LNPK: variants seen among roughly 807,000 people sequenced by gnomAD.
LNPK encodes the protein lunapark, ER junction formation factor.
LNPK carries 29 observed loss-of-function variants against 55.2 expected under a neutral mutation model. The ratio of observed to expected loss-of-function variants is 0.53; its 90% CI spans 0.39 to 0.72. The LOEUF (loss-of-function observed/expected upper bound fraction) is 0.72, where lower values mean the gene tolerates loss of function less well. Among genes scored for constraint, LNPK ranks in the 30% least tolerant of loss-of-function variants. LNPK has a pLI of 0.00. For missense variants in LNPK, 467 were observed against 494.8 expected, an observed-to-expected ratio of 0.94 and a Z score of 0.53; for synonymous variants, 162 against 168.2, an observed-to-expected ratio of 0.96 and a Z score of 0.29.
At position 175,990,961 on chromosome 2, in the gene LNPK, A is replaced by G. The variant is rs531009723; in HGVS notation, c.257+1270T>C. Among the ~76,000 whole-genome samples the G allele has an allele frequency of 5.3e-5, 8 of 152,314 alleles. No homozygotes were observed. In the South Asian group the frequency reaches 6.2e-4, roughly 12 times the overall value. On this transcript the variant is annotated intron_variant, in intron 4 of 12. Transcript: ENST00000272748. Reference sequence around the variant, plus strand: ...CTGAATTGAAGAAATTACATTTTTAAAGAAATGAAGTTTTCCTGCTTCTAA... The same window carrying G: ...CTGAATTGAAGAAATTACATTTTTAGAGAAATGAAGTTTTCCTGCTTCTAA...
chr2:175,926,608 C>T lies in LNPK; in HGVS notation c.*3359G>A, dbSNP rs1280324795. 1 of 152,222 alleles carries T rather than the reference C, an allele frequency of 6.6e-6. No homozygotes were observed. Among genetic ancestry groups the T allele is most frequent in the Admixed American group, 6.5e-5 (1 of 15,274 alleles). The allele number at this position is 152,222 out of a possible 1,614,324, so 9.4% of individuals were successfully genotyped here. ...CTTCTAGTAGTCCAAAGATAAAAAT[C>T]TTCACAGGATTCTTGCCAAAGTACA... On this transcript the variant is annotated 3_prime_UTR_variant, in exon 13 of 13. Coordinates refer to ENST00000272748, the MANE Select transcript of LNPK (RefSeq NM_030650.3).
intron 8 of LNPK, among the ~76,000 whole-genome samples, chr2:175,954,095 A>T (rs1408578149): frequency 6.6e-6 from 1 of 152,148 alleles, no homozygotes; most frequent in Non-Finnish European, 1.5e-5. Flanking sequence ...AAAAGTTATA[A>T]TGCATTGTAA....
upstream of LNPK, chr2:176,002,685 C>T: frequency 6.3e-6 from 1 of 158,126 alleles, no homozygotes; most frequent in South Asian, 1.6e-4. Context: ...GGAGTCCGTC[C>T]TGAGGAGTCC....
chr2:175,977,393 G>C (rs1276688128), intron 5 of LNPK, among the ~76,000 whole-genome samples: 1 of 151,994 alleles, frequency 6.6e-6, no homozygotes, highest in Non-Finnish European at 1.5e-5. Flanking sequence ...AGTAGATACA[G>C]ATTATTCTCA....
Position 175,949,060 on chromosome 2 carries a change from C to T in LNPK, c.494-1368G>A, listed in dbSNP as rs954099894. Among the ~76,000 whole-genome samples the T allele has an allele frequency of 5.3e-5, 8 of 152,196 alleles. No homozygotes were observed. In the East Asian group the frequency reaches 1.5e-3, roughly 29 times the overall value. On this transcript the variant is annotated intron_variant, in intron 8 of 12. Coordinates refer to ENST00000272748, the MANE Select transcript of LNPK (RefSeq NM_030650.3). ...CTTATTTCAGATGACAGTTTTTGTA[C>T]ACAACTAAGTATTTTCAAATGATTT...
intron 5 of LNPK, 54 bp downstream of exon 5, chr2:175,979,756 A>C (rs1405118282): frequency 7.4e-7 from 1 of 1,349,210 alleles, no homozygotes; most frequent in African/African-American, 1.5e-5. Flanking sequence ...TTACCAGCAC[A>C]TTCTAAAATA....
In LNPK at chr2:175,964,593, C is replaced by T. The variant is rs752749271; in HGVS notation, c.358-4G>A. 4.3e-5 allele frequency: 67 copies of T among 1,563,240 alleles called. No individual in the cohort carries two copies. The highest frequency in any genetic ancestry group is 4.2e-4 in the South Asian group (38 of 89,852). On this transcript the variant is annotated splice_polypyrimidine_tract_variant and splice_region_variant and intron_variant, in intron 6 of 12. Coordinates refer to ENST00000272748, the MANE Select transcript of LNPK (RefSeq NM_030650.3). ...CTTTTTCCATGACTTCTTCAAGCTACGAACAAAAATTTCCATAAATTGTCA... is the reference window on the plus strand; with the variant it reads ...CTTTTTCCATGACTTCTTCAAGCTATGAACAAAAATTTCCATAAATTGTCA...
At chr2:175,956,824 A>G (rs1379479959) in intron 8 of LNPK, among the ~76,000 whole-genome samples, 2 of 152,044 alleles carry the variant, frequency 1.3e-5, no homozygotes, top group African/African-American at 4.8e-5. Flanking sequence ...TGGCCCCCTT[A>G]TCAAATTATC....
intron 8 of LNPK, among the ~76,000 whole-genome samples, chr2:175,950,770 T>C (rs2105575789): frequency 6.6e-6 from 1 of 152,130 alleles, no homozygotes; most frequent in South Asian, 2.1e-4. Context: ...GTTGTAAAGA[T>C]TAAATGACAA....
Position 175,964,424 on chromosome 2 carries a change from C to T in LNPK, c.442-1G>A. ...CTCCAGCAGATGGCGGCTCACACTCCTGTCAATTATAATAATGTTATTACA... is the reference window on the plus strand; with the variant it reads ...CTCCAGCAGATGGCGGCTCACACTCTTGTCAATTATAATAATGTTATTACA... On this transcript the variant is annotated splice_acceptor_variant, in intron 7 of 12. Coordinates refer to ENST00000272748, the MANE Select transcript of LNPK (RefSeq NM_030650.3). LOFTEE classifies it high-confidence loss of function. 2 of 1,612,714 alleles carry T rather than the reference C, an allele frequency of 1.2e-6. No homozygotes were observed. Among genetic ancestry groups the T allele is most frequent in the African/African-American group, 1.3e-5 (1 of 75,014 alleles).
At chr2:175,964,921 G>A (rs975783586) in intron 6 of LNPK, among the ~76,000 whole-genome samples, 23 of 152,136 alleles carry the variant, frequency 1.5e-4, no homozygotes, top group Non-Finnish European at 2.9e-4. Flanking sequence ...ACAAGCAAAT[G>A]ACAGGCAATT....
intron 5 of LNPK, 111 bp downstream of exon 5, chr2:175,979,698 TC>T: frequency 1.1e-6 from 1 of 898,562 alleles, no homozygotes; most frequent in Non-Finnish European, 1.6e-6. Flanking sequence ...AAACAACTCT[TC>T]AATACTTAAC....
In LNPK at chr2:176,002,145, C is replaced by A. The variant is rs1476382509; in HGVS notation, c.-63+15G>T. 2.3e-6 allele frequency: 1 copy of A among 440,688 alleles called. No individual in the cohort carries two copies. The highest frequency in any genetic ancestry group is 7.4e-5 in the East Asian group (1 of 13,456). The allele number at this position is 440,688 out of a possible 1,614,324, so 27.3% of individuals were successfully genotyped here. A position where few individuals can be genotyped will look rare whatever the true frequency, so the allele number is the denominator to read the frequency against. ...TGCAGAGCCCTCCCAACTGCCCTCGCCTTGAGCGTTCTACCTGCAAGAAGC... is the reference window on the plus strand; with the variant it reads ...TGCAGAGCCCTCCCAACTGCCCTCGACTTGAGCGTTCTACCTGCAAGAAGC... On this transcript the variant is annotated intron_variant, in intron 1 of 12. Transcript: ENST00000272748.
At chr2:175,965,262 C>T (rs1317145831) in intron 6 of LNPK, among the ~76,000 whole-genome samples, 1 of 152,168 alleles carries the variant, frequency 6.6e-6, no homozygotes, top group Non-Finnish European at 1.5e-5. Flanking sequence ...ATAATTAAAT[C>T]ACTTCATTAT....
chr2:175,929,502 C>G lies in LNPK; in HGVS notation c.*465G>C. On this transcript the variant is annotated 3_prime_UTR_variant, in exon 13 of 13. Coordinates refer to ENST00000272748, the MANE Select transcript of LNPK (RefSeq NM_030650.3). ...TGTAAACACCTAAATAGACATTTCT[C>G]CCAGTTGTAAATATCTCAGGAGCTA... 1 of 992,838 alleles carries G rather than the reference C, an allele frequency of 1.0e-6. No homozygotes were observed. The highest frequency in any genetic ancestry group is 1.2e-6 in the Non-Finnish European group (1 of 834,522). 61.5% of individuals were successfully genotyped at this position (992,838 alleles called of 1,614,324 possible).
rs754039320 is a variant in LNPK at position 175,937,509 on chromosome 2, G to A, written c.889C>T (p.Arg297Ter). The change falls in exon 12 of 13, where the codon CGA becomes TGA. Residue 297 changes from arginine (R) to a stop codon, truncating the protein, a stop_gained. Coordinates refer to ENST00000272748, the MANE Select transcript of LNPK (RefSeq NM_030650.3). LOFTEE classifies it high-confidence loss of function. ...LKEEFEYIAF[R>*]CAYCFFLNPA... ...TTCAAGAAAAAACAGTAGGCACATC[G>A]AAAAGCTGCAGAGAATTTTTTAAAA... 6.8e-6 allele frequency: 11 copies of A among 1,606,528 alleles called. No individual in the cohort carries two copies. The highest frequency in any genetic ancestry group is 3.4e-5 in the South Asian group (3 of 89,454).
At chr2:175,993,353 T>A (rs1687784989) in intron 2 of LNPK, 130 bp from the exon 3 acceptor site, 3 of 482,336 alleles carry the variant, frequency 6.2e-6, no homozygotes, top group Non-Finnish European at 1.1e-5. Context: ...GCATTCTTGT[T>A]TATAACTAAG....
chr2:175,942,019 T>C (rs1010344142), intron 9 of LNPK, among the ~76,000 whole-genome samples: 14 of 151,744 alleles, frequency 9.2e-5, no homozygotes, highest in Non-Finnish European at 1.9e-4. Context: ...ATGAAGACTT[T>C]TACAGATATA....
chr2:175,949,686 T>C (rs897180940), intron 8 of LNPK, among the ~76,000 whole-genome samples: 1 of 152,050 alleles, frequency 6.6e-6, no homozygotes, highest in African/African-American at 2.4e-5. Flanking sequence ...ATGTCAAGCA[T>C]TCCATAAAAG....
Sources: allele counts gnomAD v4.1 joint callset (sites outside exome capture counted in the v4.1 genomes callset), GRCh38; gene constraint gnomAD v4.1.1; transcripts MANE v1.5; gene names NCBI Gene and HGNC (gene_info 2026-07-23, HGNC 2026-07-21).